Variants in KHSRP observed in about 807,000 individuals in gnomAD.
The protein encoded by KHSRP is far upstream element-binding protein 2.
In KHSRP, 13 loss-of-function variants were observed where a neutral mutation model predicts 94.9. That is an observed-to-expected ratio of 0.14 (90% CI 0.09 to 0.22). The LOEUF (loss-of-function observed/expected upper bound fraction) is 0.22. Ranked by LOEUF, KHSRP falls within the 10% of genes least tolerant of loss-of-function variation. KHSRP has a pLI of 1.00. For missense variants in KHSRP, 710 were observed against 1,010.0 expected (o/e 0.70, Z 4.03); for synonymous variants, 495 against 401.4 (o/e 1.23, Z -2.79).
intron 4 of KHSRP, 126 bp downstream of exon 4, chr19:6,421,152 G>A: frequency 1.2e-6 from 1 of 839,184 alleles, no homozygotes; most frequent in Admixed American, 2.4e-5. Flanking sequence ...TGAGCACTCT[G>A]GTCAACTGGC....
At chr19:6,424,262 AG>A (rs147898263) in intron 1 of KHSRP, 190 bp downstream of exon 1, 2,624 of 158,662 alleles carry the variant, frequency 0.017, 65 homozygotes, top group African/African-American at 0.061. Flanking sequence ...TACTCCCTGC[AG>A]GGGGGTCACC....
intron 10 of KHSRP, 30 bp downstream of exon 10, chr19:6,417,951 G>GAGGGGGGTGAAGGCAGGGCCCACACTCAC (rs2092163832): frequency 6.2e-7 from 1 of 1,608,370 alleles, no homozygotes; most frequent in African/African-American, 1.3e-5. Flanking sequence ...TGGCGGGGGA[G>GAGGGGGGTGAAGGCAGGGCCCACACTCAC]AGGGGGGTGA....
chr19:6,420,634 A>G (rs954873494), intron 4 of KHSRP, among the ~76,000 whole-genome samples, 163 bp from the exon 5 acceptor site: 4 of 152,194 alleles, frequency 2.6e-5, no homozygotes, highest in Non-Finnish European at 5.9e-5. Context: ...GTGCCCCGAG[A>G]GGCTTGCTCT....
chr19:6,424,393 G>A lies in KHSRP; in HGVS notation c.249+60C>T, dbSNP rs1374549301. ...GCGCGCGCGCGCGCACGTGACCCCCGCCCCCTCCCCCGCCTGCGCGCGCGC... is the reference window on the plus strand; with the variant it reads ...GCGCGCGCGCGCGCACGTGACCCCCACCCCCTCCCCCGCCTGCGCGCGCGC... On this transcript the variant is annotated intron_variant, in intron 1 of 18. Coordinates refer to ENST00000600480, the MANE Select transcript of KHSRP (RefSeq NM_001366299.1). 58 of 671,496 alleles carry A rather than the reference G, an allele frequency of 8.6e-5. No individual in the cohort carries two copies. The African/African-American group carries it at 1.0e-3, about 12-fold the overall frequency. 41.6% of individuals were successfully genotyped at this position (671,496 alleles called of 1,614,324 possible).
At chr19:6,420,292 C>G in intron 5 of KHSRP, 130 bp downstream of exon 5, 1 of 1,146,322 alleles carries the variant, frequency 8.7e-7, no homozygotes. Flanking sequence ...CCAGAGGGGA[C>G]GAAGGAGGGA....
Position 6,418,977 on chromosome 19 carries a change from G to T in KHSRP, c.606-101C>A. 7.7e-6 allele frequency: 10 copies of T among 1,306,448 alleles called. No homozygotes were observed. The highest frequency in any genetic ancestry group is 1.0e-5 in the Non-Finnish European group (10 of 976,700). The allele number at this position is 1,306,448 out of a possible 1,614,324, so 80.9% of individuals were successfully genotyped here. On this transcript the variant is annotated intron_variant, in intron 7 of 18. Coordinates refer to ENST00000600480, the MANE Select transcript of KHSRP (RefSeq NM_001366299.1). The surrounding 1 kb of genome is among the most constrained non-coding windows in gnomAD (Gnocchi z 4.3). ...CAAAGGGAAGGCGACCCCAGAGTGTGCAAGGATGACAGGGAAGAGGGGCCA... is the reference window on the plus strand; with the variant it reads ...CAAAGGGAAGGCGACCCCAGAGTGTTCAAGGATGACAGGGAAGAGGGGCCA...
At chr19:6,423,038 G>A (rs981017602) in intron 1 of KHSRP, among the ~76,000 whole-genome samples, 1 of 152,214 alleles carries the variant, frequency 6.6e-6, no homozygotes, top group Admixed American at 6.5e-5. Flanking sequence ...CCAGCATTTT[G>A]GGAGGCCGAG....
chr19:6,419,723 T>C (rs2092183570), intron 6 of KHSRP, among the ~76,000 whole-genome samples: 1 of 152,162 alleles, frequency 6.6e-6, no homozygotes, highest in Admixed American at 6.5e-5. Flanking sequence ...GAGTGACCCC[T>C]CTGTCCAAGG....
intron 2 of KHSRP, 22 bp downstream of exon 2, chr19:6,422,318 A>G (rs767113846): frequency 6.4e-7 from 1 of 1,557,456 alleles, no homozygotes; most frequent in South Asian, 1.1e-5. Flanking sequence ...CTCCTAAGCT[A>G]AAGGCAGCAG....
Position 6,418,600 on chromosome 19 carries a change from C to CCGT in KHSRP, c.781-22_781-20dup. 6.2e-7 allele frequency: 1 copy of CCGT among 1,613,422 alleles called. No individual in the cohort carries two copies. Among genetic ancestry groups the CCGT allele is most frequent in the African/African-American group, 1.3e-5 (1 of 75,042 alleles). On this transcript the variant is annotated intron_variant, in intron 8 of 18. Transcript: ENST00000600480. The surrounding 1 kb of genome is among the most constrained non-coding windows in gnomAD (Gnocchi z 4.3). ...CGCGTTCCTTTACAAGCAAGGTTAACCGTTAGTGCTGGGCTCTCCCAGGAC... is the reference window on the plus strand; with the variant it reads ...CGCGTTCCTTTACAAGCAAGGTTAACCGTCGTTAGTGCTGGGCTCTCCCAGGAC...
chr19:6,421,596 G>C, intron 3 of KHSRP, 54 bp downstream of exon 3: 1 of 1,597,672 alleles, frequency 6.3e-7, no homozygotes, highest in South Asian at 1.1e-5. Context: ...CCTGACTCCT[G>C]AAAACCTCAA....
chr19:6,416,693 C>T, intron 13 of KHSRP, 43 bp from the exon 14 acceptor site: 1 of 1,612,740 alleles, frequency 6.2e-7, no homozygotes, highest in Non-Finnish European at 8.5e-7. Flanking sequence ...AGTGATGGCC[C>T]AGGGAAGAGG....
At chr19:6,417,170 G>C in intron 11 of KHSRP, 83 bp from the exon 12 acceptor site, 1 of 1,060,488 alleles carries the variant, frequency 9.4e-7, no homozygotes, top group Non-Finnish European at 1.3e-6. Flanking sequence ...CTCCAGCGCA[G>C]ACACCACGCC....
chr19:6,414,493 AGG>A lies in KHSRP; in HGVS notation c.*529_*530del. ...TGTCCCCACAACACCCCTGTGAGGT[AGG>A]TTGGAAGGTGGCAACGATCTTCACG... On this transcript the variant is annotated 3_prime_UTR_variant, in exon 19 of 19. Transcript: ENST00000600480. 2 of 1,076,204 alleles carry A rather than the reference AGG, an allele frequency of 1.9e-6. No homozygotes were observed. Among genetic ancestry groups the A allele is most frequent in the Non-Finnish European group, 1.1e-6 (1 of 888,304 alleles). 66.7% of individuals were successfully genotyped at this position (1,076,204 alleles called of 1,614,324 possible). A position where few individuals can be genotyped will look rare whatever the true frequency, so the allele number is the denominator to read the frequency against.
rs1376548074 is a variant in KHSRP at position 6,413,914 on chromosome 19, ATG to A, written c.*1108_*1109del. On this transcript the variant is annotated 3_prime_UTR_variant, in exon 19 of 19. Transcript: ENST00000600480. Reference sequence around the variant, plus strand: ...GGATCCCAATTTTGAAAGAAAAAGCATGTGAGACACAGAACAGGCGAGAGAGT... The same window carrying A: ...GGATCCCAATTTTGAAAGAAAAAGCATGAGACACAGAACAGGCGAGAGAGT... The A allele has an allele frequency of 2.1e-5, 11 of 521,470 alleles. No homozygotes were observed. The highest frequency in any genetic ancestry group is 2.8e-5 in the Non-Finnish European group (9 of 324,778). The allele number at this position is 521,470 out of a possible 1,614,324, so 32.3% of individuals were successfully genotyped here.
rs371629523 is a variant in KHSRP, at chr19:6,415,414, G to A, written c.1932C>T (p.Tyr644=). Reference sequence around the variant, plus strand: ...TGTAGTACTCCTCCCAAGCCTTCGTGTAGTCCTGCTGTGGGGGTGCTCCGG... The same window carrying A: ...TGTAGTACTCCTCCCAAGCCTTCGTATAGTCCTGCTGTGGGGGTGCTCCGG... The part of the protein sequence containing the change: ...QQPGAPPQQD[Y]TKAWEEYYKK... The change falls in exon 18 of 19, where the codon TAC becomes TAT. Residue 644 remains tyrosine, a synonymous_variant. Coordinates refer to ENST00000600480, the MANE Select transcript of KHSRP (RefSeq NM_001366299.1). The A allele has an allele frequency of 3.1e-6, 5 of 1,590,970 alleles. No individual in the cohort carries two copies. The highest frequency in any genetic ancestry group is 4.3e-6 in the Non-Finnish European group (5 of 1,168,888).
At position 6,416,356 on chromosome 19, in the gene KHSRP, G is replaced by C; in HGVS notation, c.1540C>G (p.Pro514Ala). 1 of 1,610,932 alleles carries C rather than the reference G, an allele frequency of 6.2e-7. No individual in the cohort carries two copies. Among genetic ancestry groups the C allele is most frequent in the Non-Finnish European group, 8.5e-7 (1 of 1,179,110 alleles). Residue 514 changes from proline to alanine, a missense_variant, in exon 15 of 19, where the codon CCA (proline) becomes GCA (alanine). Transcript: ENST00000600480. ...PGPGGPGPAG[P>A]MGPFNPGPFN... ...GGCCCAGGATTGAAGGGCCCCATTG[G>C]GCCAGCAGGGCCTGGGCCACCTGGG...
At position 6,418,837 on chromosome 19, in the gene KHSRP, A is replaced by T. The variant is rs1214523942; in HGVS notation, c.645T>A (p.Gly215=). 3 of 1,555,502 alleles carry T rather than the reference A, an allele frequency of 1.9e-6. No individual in the cohort carries two copies. The highest frequency in any genetic ancestry group is 1.7e-6 in the Non-Finnish European group (2 of 1,156,018). Residue 215 remains glycine (G), a synonymous_variant, in exon 8 of 19, where the codon GGT becomes GGA. Transcript: ENST00000600480. This position sits in a 1 kb window ranked among gnomAD's most constrained non-coding sequence, Gnocchi z 4.3. ...GGAACTGTCCTGGGGGGCCCCCACG[A>T]CCCCGAGACACAATGTCATCCAGCA... ...KMMLDDIVSR[G]RGGPPGQFHD...
At chr19:6,421,477 C>CT in intron 3 of KHSRP, 160 bp from the exon 4 acceptor site, 1 of 974,286 alleles carries the variant, frequency 1.0e-6, no homozygotes, top group South Asian at 1.5e-5. Flanking sequence ...AAGCACAGAG[C>CT]TCATCTCCCT....
Sources: allele counts gnomAD v4.1 joint callset (sites outside exome capture counted in the v4.1 genomes callset), GRCh38; gene constraint gnomAD v4.1.1; non-coding constraint Gnocchi (gnomAD v3.1); transcripts MANE v1.5; gene names NCBI Gene and HGNC (gene_info 2026-07-23, HGNC 2026-07-21).